RASAL2: variants seen among roughly 807,000 people sequenced by gnomAD.
The protein encoded by RASAL2 is ras GTPase-activating protein nGAP.
A neutral mutation model predicts 128.9 loss-of-function variants in RASAL2; 58 were observed. The ratio of observed to expected loss-of-function variants is 0.45; its 90% CI spans 0.36 to 0.56. The LOEUF is 0.56. Among genes scored for constraint, RASAL2 ranks in the 20% least tolerant of loss-of-function variants. The pLI is 0.00. For missense variants in RASAL2, 1,360 were observed against 1,601.6 expected, an observed-to-expected ratio of 0.85 and a Z score of 2.57; for synonymous variants, 561 against 580.8, an observed-to-expected ratio of 0.97 and a Z score of 0.49.
At position 178,442,960 on chromosome 1, in the gene RASAL2, G is replaced by A. The variant is rs146460735; in HGVS notation, c.1213G>A (p.Val405Met). The change falls in exon 8 of 18, where the codon GTG becomes ATG. Residue 405 changes from valine to methionine, a missense_variant. Transcript: ENST00000367649. Reference protein sequence around the residue: ...VGLVNIPTASVTGRQFVEKWY... With the variant: ...VGLVNIPTASMTGRQFVEKWY... ...GCTAGTCAACATCCCCACTGCCAGT[G>A]TGACTGGTCGCCAATTTGTAGAAAA... 2.2e-5 allele frequency: 36 copies of A among 1,614,056 alleles called. No homozygotes were observed. In the African/African-American group the frequency reaches 4.7e-4, roughly 21 times the overall value.
Position 178,132,438 on chromosome 1 carries a change from T to C in RASAL2, c.202+37744T>C, listed in dbSNP as rs374402954. 4.2e-4 allele frequency among the ~76,000 whole-genome samples: 64 copies of C among 152,230 alleles called. No individual in the cohort carries two copies. In the East Asian group the frequency reaches 0.011, roughly 26 times the overall value. Reference sequence around the variant, plus strand: ...TTTCTTATTTCTTTCTGATCTTCTGTGGGCTTGAAGATCATATAAGCAAGC... The same window carrying C: ...TTTCTTATTTCTTTCTGATCTTCTGCGGGCTTGAAGATCATATAAGCAAGC... On this transcript the variant is annotated intron_variant, in intron 1 of 17. Transcript: ENST00000367649.
chr1:178,200,512 G>A (rs1037709342), intron 1 of RASAL2, among the ~76,000 whole-genome samples: 1 of 152,100 alleles, frequency 6.6e-6, no homozygotes, highest in South Asian at 2.1e-4. Context: ...TAATGAACTC[G>A]GGGCTTCTAA....
chr1:178,473,087 G>A lies in RASAL2; in HGVS notation c.3691G>A (p.Val1231Met), dbSNP rs371002131. Residue 1231 changes from valine (V) to methionine (M), a missense_variant, in exon 18 of 18, where the codon GTG becomes ATG. Coordinates refer to ENST00000367649, the MANE Select transcript of RASAL2 (RefSeq NM_170692.4). ...KIIDAQEKRI[V>M]SLDSANTRLM... ...TGGTGTGTTGTAGGAAAAACGGATC[G>A]TGTCCCTGGATTCAGCCAACACCAG... The A allele has an allele frequency of 1.9e-5, 31 of 1,614,152 alleles. 1 individual carries two copies. Among genetic ancestry groups the A allele is most frequent in the East Asian group, 1.3e-4 (6 of 44,882 alleles).
At chr1:178,262,795 ATT>A (rs34832691) in intron 1 of RASAL2, among the ~76,000 whole-genome samples, 46 of 133,246 alleles carry the variant, frequency 3.5e-4, no homozygotes, top group Middle Eastern at 4.0e-3. Flanking sequence ...CCCCCCACTC[ATT>A]TTTTTTTTTT....
At chr1:178,338,369 A>G (rs1016751886) in intron 3 of RASAL2, among the ~76,000 whole-genome samples, 1 of 151,798 alleles carries the variant, frequency 6.6e-6, no homozygotes, top group Admixed American at 6.6e-5. Context: ...ACCTCAAGCA[A>G]TCCACCAACC....
chr1:178,160,658 CAA>C (rs1324224174), intron 1 of RASAL2, among the ~76,000 whole-genome samples: 1 of 151,900 alleles, frequency 6.6e-6, no homozygotes, highest in Admixed American at 6.6e-5. Context: ...ATAATGAAAA[CAA>C]AAAAATATAT....
At chr1:178,126,682 A>C (rs1352839804) in intron 1 of RASAL2, among the ~76,000 whole-genome samples, 3 of 152,218 alleles carry the variant, frequency 2.0e-5, no homozygotes, top group Non-Finnish European at 4.4e-5. Flanking sequence ...TGCCTTTTTC[A>C]GATTTCTACT....
intron 1 of RASAL2, among the ~76,000 whole-genome samples, chr1:178,248,915 G>A (rs1228788239): frequency 6.6e-6 from 1 of 152,198 alleles, no homozygotes; most frequent in East Asian, 1.9e-4. Flanking sequence ...TCTGCTGTTA[G>A]TCTGATGGGC....
intron 3 of RASAL2, among the ~76,000 whole-genome samples, chr1:178,348,833 GCT>G (rs1241621468): frequency 6.8e-6 from 1 of 146,046 alleles, no homozygotes; most frequent in Admixed American, 6.9e-5. Context: ...ATGGAGTCTC[GCT>G]CTCGCCCAGG....
Position 178,442,754 on chromosome 1 carries a change from T to C in RASAL2, c.1007T>C (p.Phe336Ser). 1 of 1,613,924 alleles carries C rather than the reference T, an allele frequency of 6.2e-7. No homozygotes were observed. The highest frequency in any genetic ancestry group is 8.5e-7 in the Non-Finnish European group (1 of 1,179,932). ...GACCTTGCCCCTAAAAAGAAATATT[T>C]CTGCGAACTGTGCCTTGATGATACC... ...AKDLAPKKKY[F>S]CELCLDDTLF... Residue 336 changes from phenylalanine (F) to serine (S), a missense_variant, in exon 8 of 18, where the codon TTC becomes TCC. Phe to Ser is a radical substitution (Grantham distance 155). Coordinates refer to ENST00000367649, the MANE Select transcript of RASAL2 (RefSeq NM_170692.4).
chr1:178,150,497 T>C (rs1413078435), intron 1 of RASAL2, among the ~76,000 whole-genome samples: 1 of 152,182 alleles, frequency 6.6e-6, no homozygotes. Flanking sequence ...CTGTTAGGTG[T>C]TTTTTAAACC....
At chr1:178,123,984 A>G (rs997064605) in intron 1 of RASAL2, among the ~76,000 whole-genome samples, 1 of 152,108 alleles carries the variant, frequency 6.6e-6, no homozygotes, top group African/African-American at 2.4e-5. Flanking sequence ...AAAATGCACT[A>G]TTAGTGACAT....
At chr1:178,354,328 AC>A (rs1670678656) in intron 3 of RASAL2, among the ~76,000 whole-genome samples, 1 of 152,218 alleles carries the variant, frequency 6.6e-6, no homozygotes, top group African/African-American at 2.4e-5. Flanking sequence ...TCTTAGCAAA[AC>A]AACAATAGAA....
At chr1:178,371,703 C>G (rs1446185855) in intron 3 of RASAL2, among the ~76,000 whole-genome samples, 2 of 152,112 alleles carry the variant, frequency 1.3e-5, no homozygotes, top group Admixed American at 1.3e-4. Flanking sequence ...GCAGTTCTTG[C>G]GGAGGACTGA....
chr1:178,311,833 A>G (rs1436140632), intron 3 of RASAL2, among the ~76,000 whole-genome samples: 1 of 152,104 alleles, frequency 6.6e-6, no homozygotes, highest in Non-Finnish European at 1.5e-5. Flanking sequence ...AAAAAGAAGA[A>G]GAAGAAAAGA....
At chr1:178,173,715 T>A (rs1024897565) in intron 1 of RASAL2, among the ~76,000 whole-genome samples, 1 of 152,034 alleles carries the variant, frequency 6.6e-6, no homozygotes. Flanking sequence ...CTTTCCTTTT[T>A]CCTAGAAGTA....
At chr1:178,300,451 A>G (rs1667718120) in intron 3 of RASAL2, among the ~76,000 whole-genome samples, 1 of 152,212 alleles carries the variant, frequency 6.6e-6, no homozygotes, top group Non-Finnish European at 1.5e-5. Context: ...TGAGGTTCAT[A>G]AGGGAGCAGT....
At chr1:178,412,060 TG>T in intron 4 of RASAL2, 2 of 318,280 alleles carry the variant, frequency 6.3e-6, no homozygotes, top group Non-Finnish European at 1.2e-5. Flanking sequence ...TGCCATCATG[TG>T]AAAAAAAAAA....
chr1:178,215,287 C>A (rs1013519280), intron 1 of RASAL2, among the ~76,000 whole-genome samples: 1 of 152,224 alleles, frequency 6.6e-6, no homozygotes. Flanking sequence ...TGTCTGAGAT[C>A]TAACCAAGGG....
Sources: gnomAD v4.1 joint callset for allele counts (sites outside exome capture counted in the v4.1 genomes callset) on GRCh38, gnomAD v4.1.1 for gene constraint, MANE v1.5 for transcripts, NCBI Gene and HGNC (gene_info 2026-07-23, HGNC 2026-07-21) for gene names.